Variants in GRM5 observed in about 807,000 individuals in gnomAD.
GRM5 encodes glutamate metabotropic receptor 5, also known as metabotropic glutamate receptor 5.
In GRM5, 19 loss-of-function variants were observed where a neutral mutation model predicts 83.1. The ratio of observed to expected loss-of-function variants is 0.23; its 90% CI spans 0.16 to 0.34. The LOEUF (loss-of-function observed/expected upper bound fraction) is 0.34, where lower values mean the gene tolerates loss of function less well. GRM5 is among the 10% of genes least tolerant of loss of function. The pLI, the probability that GRM5 is intolerant of heterozygous loss-of-function variation, is 1.00. For missense variants in GRM5, 1,160 were observed against 1,588.3 expected, an observed-to-expected ratio of 0.73 and a Z score of 4.58; for synonymous variants, 675 against 633.6, an observed-to-expected ratio of 1.07 and a Z score of -0.98.
intron 9 of GRM5, among the ~76,000 whole-genome samples, chr11:88,516,457 C>T (rs1941522467): frequency 6.6e-6 from 1 of 152,174 alleles, no homozygotes; most frequent in South Asian, 2.1e-4. Flanking sequence ...TAAAGCTCTG[C>T]ATCAACATTG....
intron 2 of GRM5, among the ~76,000 whole-genome samples, chr11:88,899,734 T>A (rs1374948952): frequency 1.3e-5 from 2 of 152,090 alleles, no homozygotes; most frequent in African/African-American, 4.8e-5. Context: ...CATTTATGTG[T>A]GTAAAACAAT....
intron 4 of GRM5, among the ~76,000 whole-genome samples, chr11:88,639,954 C>G (rs1939245535): frequency 6.6e-6 from 1 of 152,142 alleles, no homozygotes; most frequent in African/African-American, 2.4e-5. Context: ...GCACTAAACA[C>G]TTACTTGAGT....
intron 3 of GRM5, among the ~76,000 whole-genome samples, chr11:88,816,746 C>CAAAA (rs34178436): frequency 0.026 from 3,170 of 122,254 alleles, 132 homozygotes; most frequent in African/African-American, 0.083. Flanking sequence ...CAGATTGGTC[C>CAAAA]AAAAAAAAAA....
chr11:88,583,129 G>T (rs1213115506), intron 7 of GRM5, among the ~76,000 whole-genome samples: 1 of 147,980 alleles, frequency 6.8e-6, no homozygotes, highest in Admixed American at 6.7e-5. Context: ...AAAAAAAAAA[G>T]TCCCAAGAAA....
chr11:88,830,762 G>C (rs1210742154), intron 3 of GRM5, among the ~76,000 whole-genome samples: 5 of 152,168 alleles, frequency 3.3e-5, no homozygotes, highest in Non-Finnish European at 7.3e-5. Flanking sequence ...TTATGCTGCT[G>C]ATAAAGACAT....
At chr11:88,766,354 C>G (rs1942624504) in intron 3 of GRM5, among the ~76,000 whole-genome samples, 1 of 151,944 alleles carries the variant, frequency 6.6e-6, no homozygotes, top group Non-Finnish European at 1.5e-5. Context: ...GGTACACAAA[C>G]AGACAAATAG....
At chr11:88,724,548 CATTGTA>C (rs1200051153) in intron 3 of GRM5, among the ~76,000 whole-genome samples, 1 of 152,112 alleles carries the variant, frequency 6.6e-6, no homozygotes, top group Non-Finnish European at 1.5e-5. Context: ...AGTGATGGGG[CATTGTA>C]ATATATTAAT....
intron 2 of GRM5, among the ~76,000 whole-genome samples, chr11:88,877,995 T>A (rs920126138): frequency 1.3e-5 from 2 of 151,850 alleles, no homozygotes; most frequent in African/African-American, 4.8e-5. Flanking sequence ...CCCTAAAACT[T>A]AAAGTATAAT....
intron 2 of GRM5, among the ~76,000 whole-genome samples, chr11:88,863,469 G>A (rs1944605638): frequency 6.6e-6 from 1 of 152,038 alleles, no homozygotes. Flanking sequence ...CAGGGACATG[G>A]ACTAAGCTGG....
chr11:88,831,406 A>T (rs1197234994), intron 3 of GRM5, among the ~76,000 whole-genome samples: 1 of 152,188 alleles, frequency 6.6e-6, no homozygotes, highest in Non-Finnish European at 1.5e-5. Context: ...TGCCACTGAA[A>T]GCAACTCCAC....
At chr11:88,626,930 A>G (rs1424014566) in intron 4 of GRM5, among the ~76,000 whole-genome samples, 1 of 152,172 alleles carries the variant, frequency 6.6e-6, no homozygotes, top group Non-Finnish European at 1.5e-5. Context: ...GAACCCAACT[A>G]TGTTCACATC....
chr11:88,828,671 C>T (rs947901470), intron 3 of GRM5, among the ~76,000 whole-genome samples: 4 of 151,978 alleles, frequency 2.6e-5, no homozygotes, highest in African/African-American at 9.7e-5. Flanking sequence ...AAAATAGTAT[C>T]ATTAGTATAA....
At chr11:88,977,324 T>C (rs1228079344) in intron 2 of GRM5, among the ~76,000 whole-genome samples, 1 of 152,078 alleles carries the variant, frequency 6.6e-6, no homozygotes, top group Non-Finnish European at 1.5e-5. Context: ...TCCATTCTCC[T>C]GCTTCAGCCT....
At chr11:88,855,752 A>G (rs1228827169) in intron 2 of GRM5, among the ~76,000 whole-genome samples, 1 of 151,936 alleles carries the variant, frequency 6.6e-6, no homozygotes, top group Non-Finnish European at 1.5e-5. Context: ...TCTGTATTAT[A>G]TATGTTGCCT....
At chr11:89,000,261 ACTAG>A (rs1404167284) in intron 2 of GRM5, among the ~76,000 whole-genome samples, 1 of 152,082 alleles carries the variant, frequency 6.6e-6, no homozygotes, top group Non-Finnish European at 1.5e-5. Flanking sequence ...ACGGAACTAG[ACTAG>A]CTAAACAATT....
At chr11:88,918,162 G>T (rs1359558055) in intron 2 of GRM5, among the ~76,000 whole-genome samples, 1 of 151,386 alleles carries the variant, frequency 6.6e-6, no homozygotes, top group Non-Finnish European at 1.5e-5. Flanking sequence ...CACCAGGAGA[G>T]AGTGGCATGA....
chr11:89,029,359 G>T (rs1004173571), intron 2 of GRM5, among the ~76,000 whole-genome samples: 3 of 152,142 alleles, frequency 2.0e-5, no homozygotes, highest in African/African-American at 7.2e-5. Context: ...AATAAGCTGT[G>T]ATAATTAGTG....
At chr11:89,050,453 G>T (rs113477508) in intron 1 of GRM5, among the ~76,000 whole-genome samples, 7,661 of 152,062 alleles carry the variant, frequency 0.05, 316 homozygotes, top group African/African-American at 0.12. Context: ...GTATTCTAAA[G>T]GGTAACTTTA....
chr11:88,567,420 T>C lies in GRM5; in HGVS notation c.2263A>G (p.Thr755Ala). 1 of 1,614,022 alleles carries C rather than the reference T, an allele frequency of 6.2e-7. No individual in the cohort carries two copies. The highest frequency in any genetic ancestry group is 8.5e-7 in the Non-Finnish European group (1 of 1,179,860). The change falls in exon 8 of 10, where the codon ACC (threonine) becomes GCC (alanine). Residue 755 changes from threonine to alanine, a missense_variant. Thr to Ala is a moderately conservative substitution (Grantham distance 58). This residue lies in a region of GRM5 where 66 missense variants were observed against 138.6 expected (regional missense o/e 0.48). Transcript: ENST00000305447. The surrounding 1 kb of genome is among the most constrained non-coding windows in gnomAD (Gnocchi z 7.3). ...TTTCTGGTCTTGAACGCATAGAAGG[T>C]GCAGCTCAAAATCAACAATCCATTG... ...GYNGLLILSCTFYAFKTRNVP... is the reference protein window; with the variant it reads ...GYNGLLILSCAFYAFKTRNVP...
Sources: gnomAD v4.1 joint callset for allele counts (sites outside exome capture counted in the v4.1 genomes callset) on GRCh38, gnomAD v4.1.1 for gene constraint, gnomAD v4.1.1 regional missense constraint, Gnocchi (gnomAD v3.1) non-coding constraint, MANE v1.5 for transcripts, NCBI Gene and HGNC (gene_info 2026-07-23, HGNC 2026-07-21) for gene names.